EEFSEC: variants seen among roughly 807,000 people sequenced by gnomAD.
EEFSEC encodes the protein eukaryotic elongation factor, selenocysteine-tRNA specific.
In EEFSEC, 43 loss-of-function variants were observed where a neutral mutation model predicts 42.1. The ratio of observed to expected loss-of-function variants is 1.02; its 90% CI spans 0.80 to 1.32. The LOEUF (loss-of-function observed/expected upper bound fraction) is 1.32, where lower values mean the gene tolerates loss of function less well. EEFSEC is among the 40% of genes most tolerant of loss of function. The pLI is 0.00. For missense variants in EEFSEC, 745 were observed against 803.6 expected (o/e 0.93, Z 0.88); for synonymous variants, 354 against 339.1 (o/e 1.04, Z -0.48).
intron 1 of EEFSEC, among the ~76,000 whole-genome samples, chr3:128,175,787 G>A (rs936628445): frequency 1.3e-5 from 2 of 152,324 alleles, no homozygotes; most frequent in South Asian, 2.1e-4. Flanking sequence ...CCTCTAATTA[G>A]GCCTGCAGGT....
chr3:128,418,022 C>T, the EEFSEC span, among the ~76,000 whole-genome samples: 1 of 152,058 alleles, frequency 6.6e-6, no homozygotes, highest in Non-Finnish European at 1.5e-5. Flanking sequence ...GTCACTCCTC[C>T]GCTCCCCAAA....
At chr3:128,407,870 A>G (rs575014134) in intron 6 of EEFSEC, among the ~76,000 whole-genome samples, 199 bp from the exon 7 acceptor site, 3 of 152,304 alleles carry the variant, frequency 2.0e-5, no homozygotes, top group Non-Finnish European at 2.9e-5. Flanking sequence ...TGAGGCCCCA[A>G]GAGGCACAGT....
chr3:128,207,142 T>TA (rs2065705510), intron 1 of EEFSEC, among the ~76,000 whole-genome samples: 1 of 152,196 alleles, frequency 6.6e-6, no homozygotes, highest in Non-Finnish European at 1.5e-5. Context: ...AAGAGTCTTA[T>TA]AAAACAGTAT....
At chr3:128,192,519 A>G (rs1006452908) in intron 1 of EEFSEC, among the ~76,000 whole-genome samples, 15 of 152,134 alleles carry the variant, frequency 9.9e-5, no homozygotes, top group African/African-American at 3.6e-4. Context: ...CACCTAGAAC[A>G]TTACCCCAGA....
At chr3:128,205,338 T>A (rs2065686913) in intron 1 of EEFSEC, among the ~76,000 whole-genome samples, 1 of 152,116 alleles carries the variant, frequency 6.6e-6, no homozygotes, top group Non-Finnish European at 1.5e-5. Context: ...AGCCCCCTTT[T>A]CAGTGCCTCT....
At chr3:128,418,031 A>G in the EEFSEC span, among the ~76,000 whole-genome samples, 2 of 151,942 alleles carry the variant, frequency 1.3e-5, no homozygotes, top group Non-Finnish European at 2.9e-5. Flanking sequence ...CCGCTCCCCA[A>G]AGGGTGAAAT....
intron 6 of EEFSEC, among the ~76,000 whole-genome samples, chr3:128,358,812 C>T (rs1305291426): frequency 1.3e-5 from 2 of 152,116 alleles, no homozygotes; most frequent in African/African-American, 2.4e-5. Flanking sequence ...CCAGCACAGA[C>T]CCCCAGGCTC....
intron 4 of EEFSEC, among the ~76,000 whole-genome samples, chr3:128,291,048 C>A (rs1179064272): frequency 1.3e-5 from 2 of 152,104 alleles, no homozygotes; most frequent in Non-Finnish European, 2.9e-5. Flanking sequence ...CCGTGCCCGG[C>A]CTGTTTTATA....
chr3:128,271,463 A>G (rs1259666071), intron 4 of EEFSEC, among the ~76,000 whole-genome samples: 3 of 152,094 alleles, frequency 2.0e-5, no homozygotes, highest in Non-Finnish European at 2.9e-5. Flanking sequence ...TTGATGTTTC[A>G]TGGTTGTCTG....
At chr3:128,375,120 A>G (rs1368339014) in intron 6 of EEFSEC, among the ~76,000 whole-genome samples, 1 of 152,216 alleles carries the variant, frequency 6.6e-6, no homozygotes, top group African/African-American at 2.4e-5. Flanking sequence ...TGCCTTCAGG[A>G]TTGTAATAGA....
At chr3:128,414,242 ACAAGTGGACCC>A in the EEFSEC span, among the ~76,000 whole-genome samples, 1 of 152,100 alleles carries the variant, frequency 6.6e-6, no homozygotes, top group Non-Finnish European at 1.5e-5. Context: ...GTGGTTACCT[ACAAGTGGACCC>A]CGGGGCTCTC....
chr3:128,377,073 T>C (rs1469150879), intron 6 of EEFSEC, among the ~76,000 whole-genome samples: 1 of 152,098 alleles, frequency 6.6e-6, no homozygotes, highest in African/African-American at 2.4e-5. Flanking sequence ...AGTATAATAG[T>C]AATAGTCATT....
chr3:128,298,285 C>T (rs530991120), intron 4 of EEFSEC, among the ~76,000 whole-genome samples: 1 of 152,246 alleles, frequency 6.6e-6, no homozygotes, highest in East Asian at 1.9e-4. Flanking sequence ...GTAGGTGGAA[C>T]CACAGGCATG....
At chr3:128,383,492 C>T (rs1559950990) in intron 6 of EEFSEC, among the ~76,000 whole-genome samples, 2 of 152,230 alleles carry the variant, frequency 1.3e-5, no homozygotes, top group Non-Finnish European at 2.9e-5. Context: ...GATGAGGAGA[C>T]TAAGGCGCAG....
chr3:128,254,346 T>C (rs1221107544), intron 2 of EEFSEC, among the ~76,000 whole-genome samples: 1 of 152,190 alleles, frequency 6.6e-6, no homozygotes, highest in African/African-American at 2.4e-5. Flanking sequence ...TCTGTGGCTG[T>C]TGTGCTGGTA....
chr3:128,157,423 C>G (rs1944400606), intron 1 of EEFSEC, among the ~76,000 whole-genome samples: 1 of 152,160 alleles, frequency 6.6e-6, no homozygotes, highest in African/African-American at 2.4e-5. Flanking sequence ...GATGGAACAG[C>G]CTTATATGGA....
At chr3:128,358,084 C>G (rs2067478395) in intron 5 of EEFSEC, 133 bp from the exon 6 acceptor site, 1 of 1,199,364 alleles carries the variant, frequency 8.3e-7, no homozygotes, top group Admixed American at 2.4e-5. Context: ...ACCAGGCTAC[C>G]CACAGGGTTC....
chr3:128,160,602 C>T (rs1249150972), intron 1 of EEFSEC, among the ~76,000 whole-genome samples: 1 of 152,170 alleles, frequency 6.6e-6, no homozygotes, highest in Non-Finnish European at 1.5e-5. Flanking sequence ...TCTCTAGCTG[C>T]ACCTGCACCT....
rs527519746 is a variant in EEFSEC, at chr3:128,214,231, G to A, written c.317-32605G>A. Among the ~76,000 whole-genome samples, 4 of 152,322 alleles carry A rather than the reference G, an allele frequency of 2.6e-5. No individual in the cohort carries two copies. The South Asian group carries it at 8.3e-4, about 32-fold the overall frequency. ...ATATTCACATATATGTATATGGAAA[G>A]AGAACGAGAACATGCAGGAATGCAC... On this transcript the variant is annotated intron_variant, in intron 1 of 6. Coordinates refer to ENST00000254730, the MANE Select transcript of EEFSEC (RefSeq NM_021937.5).
Sources: allele counts gnomAD v4.1 joint callset (sites outside exome capture counted in the v4.1 genomes callset), GRCh38; gene constraint gnomAD v4.1.1; transcripts MANE v1.5; gene names NCBI Gene and HGNC (gene_info 2026-07-23, HGNC 2026-07-21).